The following SIAE variants were observed in gnomAD, a reference collection of about 807,000 sequenced individuals.
SIAE encodes the protein sialic acid acetylesterase.
Under a neutral mutation model 52.6 loss-of-function variants are expected in SIAE, and 39 were observed. The ratio of observed to expected loss-of-function variants is 0.74; its 90% CI spans 0.57 to 0.97. The LOEUF (loss-of-function observed/expected upper bound fraction) is 0.97, where lower values mean the gene tolerates loss of function less well. Among genes scored for constraint, SIAE ranks in the 50% least tolerant of loss-of-function variants. The probability of loss-of-function intolerance (pLI) is 0.00; values close to 1 mark genes in which losing one functional copy is unlikely to be tolerated. For synonymous variants in SIAE, 233 were observed against 241.4 expected (o/e 0.97, Z 0.32); for missense variants, 592 against 662.1 (o/e 0.89, Z 1.16).
intron 1 of SIAE, 120 bp from the exon 2 acceptor site, chr11:124,669,641 C>T (rs1426630147): frequency 3.2e-6 from 3 of 933,364 alleles, no homozygotes; most frequent in Non-Finnish European, 5.1e-6. Flanking sequence ...ATACTAAGTC[C>T]CTTTAATCGT....
intron 2 of SIAE, among the ~76,000 whole-genome samples, chr11:124,666,489 A>C (rs1445366479): frequency 2.0e-5 from 3 of 152,212 alleles, no homozygotes; most frequent in Non-Finnish European, 4.4e-5. Context: ...AGATCTCTCT[A>C]AACTCAAATA....
In SIAE at chr11:124,669,510, G is replaced by A. The variant is rs753795760; in HGVS notation, c.79C>T (p.Arg27Cys). The change falls in exon 2 of 10, where the codon CGC (arginine) becomes TGC (cysteine). Residue 27 changes from arginine to cysteine, a missense_variant. Transcript: ENST00000263593. ...WADRSAGIGF[R>C]FASYINNDMV... ...TCATTATTGATGTATGAAGCAAAGC[G>A]AAAACCAATACCTAAAAAATTTAAC... 30 of 1,613,782 alleles carry A rather than the reference G, an allele frequency of 1.9e-5. No individual in the cohort carries two copies. Among genetic ancestry groups the A allele is most frequent in the African/African-American group, 2.7e-5 (2 of 75,034 alleles).
chr11:124,639,915 T>C lies in SIAE; in HGVS notation c.967-48A>G, dbSNP rs368421865. 2.2e-5 allele frequency: 36 copies of C among 1,604,518 alleles called. No individual in the cohort carries two copies. In the African/African-American group the frequency reaches 4.3e-4, roughly 19 times the overall value. On this transcript the variant is annotated intron_variant, in intron 7 of 9. Coordinates refer to ENST00000263593, the MANE Select transcript of SIAE (RefSeq NM_170601.5). Reference sequence around the variant, plus strand: ...ATTTTATTGTATCAGAATCCCACACTGGAGTCTTTTTCACTGGCAGACTCT... The same window carrying C: ...ATTTTATTGTATCAGAATCCCACACCGGAGTCTTTTTCACTGGCAGACTCT...
chr11:124,655,697 G>C (rs188058263), intron 3 of SIAE, among the ~76,000 whole-genome samples: 1 of 152,084 alleles, frequency 6.6e-6, no homozygotes, highest in Non-Finnish European at 1.5e-5. Context: ...CAGGGCATTG[G>C]TTCCAGGAAC....
chr11:124,674,520 G>A (rs949722034), upstream of SIAE: 1 of 152,258 alleles, frequency 6.6e-6, no homozygotes, highest in Admixed American at 6.5e-5. Context: ...TTCATACTCA[G>A]TAGTAGCTCA....
chr11:124,652,206 C>T (rs538926682), intron 4 of SIAE, among the ~76,000 whole-genome samples: 3 of 152,200 alleles, frequency 2.0e-5, no homozygotes, highest in Admixed American at 6.5e-5. Flanking sequence ...ACCCCAAAGA[C>T]GTCGACACAC....
intron 4 of SIAE, among the ~76,000 whole-genome samples, chr11:124,650,602 G>A (rs963806089): frequency 2.6e-5 from 4 of 151,862 alleles, no homozygotes; most frequent in Admixed American, 1.3e-4. Flanking sequence ...ATGAAACCCC[G>A]TCTCTACCCA....
rs144571829 is a variant in SIAE at position 124,673,701 on chromosome 11, G to C, written c.8C>G (p.Ala3Gly). Residue 3 changes from alanine to glycine, a missense_variant, in exon 1 of 10, where the codon GCG becomes GGG. Transcript: ENST00000263593. Reference protein sequence around the residue: MVAPGLVLGLVLP... With the variant: MVGPGLVLGLVLP... The stretch of plus-strand genomic sequence containing the variant: ...CACCAGCCCGAGTACAAGCCCCGGC[G>C]CGACCATGCTTGCAAGGATCTGACC... 405 of 1,613,552 alleles carry C rather than the reference G, an allele frequency of 2.5e-4. No homozygotes were observed. The African/African-American group carries it at 4.0e-3, about 16-fold the overall frequency.
At chr11:124,668,319 G>A (rs956320298) in intron 2 of SIAE, among the ~76,000 whole-genome samples, 3 of 152,100 alleles carry the variant, frequency 2.0e-5, no homozygotes, top group African/African-American at 4.8e-5. Context: ...CACTCCCATC[G>A]CACCTTGTTC....
At chr11:124,644,102 T>G (rs1942891091) in intron 7 of SIAE, among the ~76,000 whole-genome samples, 1 of 152,146 alleles carries the variant, frequency 6.6e-6, no homozygotes, top group African/African-American at 2.4e-5. Flanking sequence ...GGATATGATA[T>G]GGAACCAATA....
At chr11:124,663,410 A>G (rs1943220080) in intron 2 of SIAE, among the ~76,000 whole-genome samples, 1 of 152,086 alleles carries the variant, frequency 6.6e-6, no homozygotes, top group South Asian at 2.1e-4. Flanking sequence ...CCCTGTCTCT[A>G]CTAAAAATAC....
chr11:124,651,817 G>A (rs116125494), intron 4 of SIAE, among the ~76,000 whole-genome samples: 2 of 152,178 alleles, frequency 1.3e-5, no homozygotes, highest in Non-Finnish European at 2.9e-5. Context: ...GACTTCACCT[G>A]ATTCACGTCT....
chr11:124,658,020 A>G (rs949521681), intron 3 of SIAE, among the ~76,000 whole-genome samples: 3 of 152,192 alleles, frequency 2.0e-5, no homozygotes, highest in Non-Finnish European at 4.4e-5. Context: ...ATACCAAGGT[A>G]TTTGAAGTCA....
Position 124,636,087 on chromosome 11 carries a change from T to A in SIAE, c.*864A>T, listed in dbSNP as rs1456765794. 1 of 152,250 alleles carries A rather than the reference T, an allele frequency of 6.6e-6. No individual in the cohort carries two copies. Among genetic ancestry groups the A allele is most frequent in the Non-Finnish European group, 1.5e-5 (1 of 68,060 alleles). 9.4% of individuals were successfully genotyped at this position (152,250 alleles called of 1,614,324 possible). On this transcript the variant is annotated 3_prime_UTR_variant, in exon 10 of 10. Coordinates refer to ENST00000263593, the MANE Select transcript of SIAE (RefSeq NM_170601.5). ...CAACAGTTTGCCTCTGTTGCCCCTG[T>A]GTTCATGTTTTCCTAAGCCAGAGTT... is the stretch of plus-strand genomic sequence containing the variant.
chr11:124,660,079 C>G (rs1943163704), intron 3 of SIAE: 5 of 171,534 alleles, frequency 2.9e-5, no homozygotes. Context: ...CATCTGAGGT[C>G]AGGAGTTCGA....
At position 124,639,851 on chromosome 11, in the gene SIAE, GA is replaced by G; in HGVS notation, c.982del (p.Ser328LeufsTer35). ...AAATCCATCGTCTGAGCTCTTCTTAGACAAATCTGAAGATAACTAGAAAGCA... is the reference window on the plus strand; with the variant it reads ...AAATCCATCGTCTGAGCTCTTCTTAGCAAATCTGAAGATAACTAGAAAGCA... ...FGLVQLSSDLSKKSSDDGFPQ... is the reference protein window; with the variant it reads ...FGLVQLSSDLXKKSSDDGFPQ... On this transcript the variant is annotated frameshift_variant, in exon 8 of 10. Transcript: ENST00000263593. LOFTEE classifies it high-confidence loss of function. 2 of 1,614,162 alleles carry G rather than the reference GA, an allele frequency of 1.2e-6. No individual in the cohort carries two copies. Among genetic ancestry groups the G allele is most frequent in the Admixed American group, 3.3e-5 (2 of 60,028 alleles).
chr11:124,648,232 G>T, intron 5 of SIAE, 57 bp from the exon 6 acceptor site: 1 of 1,307,250 alleles, frequency 7.6e-7, no homozygotes, highest in Non-Finnish European at 1.1e-6. Flanking sequence ...TCACATAAGG[G>T]TCCCTAATTG....
intron 3 of SIAE, 72 bp downstream of exon 3, chr11:124,660,556 C>T (rs764407391): frequency 1.3e-6 from 2 of 1,513,854 alleles, no homozygotes; most frequent in South Asian, 1.1e-5. Context: ...CTCCTTGTTG[C>T]CCCCTTATTC....
intron 2 of SIAE, among the ~76,000 whole-genome samples, chr11:124,664,671 G>A (rs1011586606): frequency 2.0e-5 from 3 of 152,036 alleles, no homozygotes; most frequent in Non-Finnish European, 4.4e-5. Flanking sequence ...AACAATCAAT[G>A]GAAAAAATGA....
Sources: gnomAD v4.1 joint callset for allele counts (sites outside exome capture counted in the v4.1 genomes callset) on GRCh38, gnomAD v4.1.1 for gene constraint, MANE v1.5 for transcripts, NCBI Gene and HGNC (gene_info 2026-07-23, HGNC 2026-07-21) for gene names.